CIITA: variants seen among roughly 807,000 people sequenced by gnomAD.
CIITA encodes the protein class II major histocompatibility complex transactivator, also known as MHC class II transactivator.
In CIITA, 72 loss-of-function variants were observed where a neutral mutation model predicts 115.1. That is an observed-to-expected ratio of 0.63 (90% CI 0.52 to 0.76). The LOEUF (loss-of-function observed/expected upper bound fraction) is 0.76, where lower values mean the gene tolerates loss of function less well. Among genes scored for constraint, CIITA ranks in the 30% least tolerant of loss-of-function variants. The pLI is 0.00. For missense variants in CIITA, 1,617 were observed against 1,463.8 expected (o/e 1.10, Z -1.71); for synonymous variants, 763 against 635.6 (o/e 1.20, Z -3.02).
chr16:10,907,069 G>T lies in CIITA; in HGVS notation c.1577G>T (p.Arg526Leu). 1 of 1,607,174 alleles carries T rather than the reference G, an allele frequency of 6.2e-7. No individual in the cohort carries two copies. The highest frequency in any genetic ancestry group is 8.5e-7 in the Non-Finnish European group (1 of 1,179,870). The change falls in exon 11 of 20, where the codon CGG becomes CTG. Residue 526 changes from arginine to leucine, a missense_variant. Physicochemically the swap from Arg to Leu is moderately radical, Grantham distance 102. Transcript: ENST00000324288. The surrounding 1 kb of genome is among the most constrained non-coding windows in gnomAD (Gnocchi z 5.0). ...GCACCGGCGGAGCCCTGCTCCCTCC[G>T]GGGGCTGCTGGCCGGCCTTTTCCAG... ...GPAPAEPCSL[R>L]GLLAGLFQKK...
chr16:10,872,184 G>T (rs143152117), intron 1 of CIITA, among the ~76,000 whole-genome samples: 34 of 151,838 alleles, frequency 2.2e-4, no homozygotes, highest in African/African-American at 8.2e-4. Context: ...ATGCAGTGGC[G>T]TGATCTCAGC....
intron 5 of CIITA, among the ~76,000 whole-genome samples, chr16:10,900,309 C>T (rs189198832): frequency 6.6e-6 from 1 of 152,342 alleles, no homozygotes; most frequent in East Asian, 1.9e-4. Context: ...TCATTACTCC[C>T]TGTCTGGGAG....
chr16:10,899,374 T>A (rs567491754), intron 5 of CIITA, among the ~76,000 whole-genome samples: 1 of 150,346 alleles, frequency 6.7e-6, no homozygotes, highest in South Asian at 2.1e-4. Flanking sequence ...GTTCTTCCCA[T>A]GGCTGACTCC....
In CIITA at chr16:10,927,801, A is replaced by C. The variant is rs141472280; in HGVS notation, c.*3946A>C. ...CTTATAGTCACACTCCTATAAAGGA[A>C]TGGACTTCTGACTTCTTTGGAGGAC... is the stretch of plus-strand genomic sequence containing the variant. On this transcript the variant is annotated 3_prime_UTR_variant, in exon 20 of 20. Transcript: ENST00000324288. The C allele has an allele frequency of 2.0e-5, 3 of 152,360 alleles. No individual in the cohort carries two copies. In the East Asian group the frequency reaches 5.8e-4, roughly 29 times the overall value. The allele number at this position is 152,360 out of a possible 1,614,324, so 9.4% of individuals were successfully genotyped here.
chr16:10,901,725 G>A lies in CIITA; in HGVS notation c.481+167G>A, dbSNP rs199476063. The A allele has an allele frequency of 9.6e-6, 7 of 729,396 alleles. No homozygotes were observed. In the East Asian group the frequency reaches 1.6e-4, roughly 17 times the overall value. 45.2% of individuals were successfully genotyped at this position (729,396 alleles called of 1,614,324 possible). A position where few individuals can be genotyped will look rare whatever the true frequency, so the allele number is the denominator to read the frequency against. On this transcript the variant is annotated intron_variant, in intron 6 of 19. Transcript: ENST00000324288. This position sits in a 1 kb window ranked among gnomAD's most constrained non-coding sequence, Gnocchi z 6.8. ...GGGGTCCCTTAGAGTCCTCTAAGGG[G>A]CTCACGACTGTTTGTGGAAGGTGGT... is the stretch of plus-strand genomic sequence containing the variant.
At chr16:10,910,574 G>A (rs2039491357) in intron 13 of CIITA, among the ~76,000 whole-genome samples, 1 of 152,212 alleles carries the variant, frequency 6.6e-6, no homozygotes, top group Admixed American at 6.5e-5. Context: ...CTCCCCTCTG[G>A]AGGAGGTCAG....
In CIITA at chr16:10,895,370, C is replaced by G. The variant is rs770687816; in HGVS notation, c.141C>G (p.Leu47=). 1.7e-5 allele frequency: 28 copies of G among 1,614,048 alleles called. No homozygotes were observed. In the East Asian group the frequency reaches 5.6e-4, roughly 32 times the overall value. The part of the protein sequence containing the change: ...LLNSDADPLC[L]YHFYDQMDLA... ...ACAGCGATGCTGACCCCCTGTGCCT[C>G]TACCACTTCTATGACCAGATGGACC... is the stretch of plus-strand genomic sequence containing the variant. The change falls in exon 2 of 20, where the codon CTC becomes CTG. Residue 47 remains leucine, a synonymous_variant. Coordinates refer to ENST00000324288, the MANE Select transcript of CIITA (RefSeq NM_000246.4).
intron 1 of CIITA, 142 bp downstream of exon 1, chr16:10,877,524 T>C: frequency 1.1e-6 from 1 of 904,454 alleles, no homozygotes; most frequent in Non-Finnish European, 1.8e-6. Flanking sequence ...GGCAGGCCAT[T>C]GGAAGATGTG....
chr16:10,869,316 G>T (rs555177850), intron 1 of CIITA, among the ~76,000 whole-genome samples: 1 of 152,228 alleles, frequency 6.6e-6, no homozygotes, highest in Non-Finnish European at 1.5e-5. Context: ...CCTTAGACAC[G>T]CTCAGCACAC....
At chr16:10,894,340 T>C (rs929835377) in intron 1 of CIITA, among the ~76,000 whole-genome samples, 14 of 152,230 alleles carry the variant, frequency 9.2e-5, no homozygotes, top group Non-Finnish European at 2.1e-4. Context: ...ATAAGCAACA[T>C]TTTGTTTATC....
chr16:10,907,716 A>G lies in CIITA; in HGVS notation c.2224A>G (p.Arg742Gly), dbSNP rs2039272604. 4 of 1,614,230 alleles carry G rather than the reference A, an allele frequency of 2.5e-6. No homozygotes were observed. Among genetic ancestry groups the G allele is most frequent in the Non-Finnish European group, 3.4e-6 (4 of 1,180,044 alleles). Residue 742 changes from arginine (R) to glycine (G), a missense_variant, in exon 11 of 20, where the codon AGG (arginine) becomes GGG (glycine). By Grantham distance (125) the Arg-to-Gly change is moderately radical. Coordinates refer to ENST00000324288, the MANE Select transcript of CIITA (RefSeq NM_000246.4). This position sits in a 1 kb window ranked among gnomAD's most constrained non-coding sequence, Gnocchi z 5.0. ...ELPQYLALTP[R>G]KKRPYDNWLE... ...CCCGCAGTACCTAGCATTGACCCCA[A>G]GGAAGAAGAGGCCCTATGACAACTG...
At position 10,901,631 on chromosome 16, in the gene CIITA, T is replaced by C; in HGVS notation, c.481+73T>C. 3 of 1,490,494 alleles carry C rather than the reference T, an allele frequency of 2.0e-6. No homozygotes were observed. The South Asian group carries it at 3.5e-5, about 17-fold the overall frequency. The allele number at this position is 1,490,494 out of a possible 1,614,324, so 92.3% of individuals were successfully genotyped here. Reference sequence around the variant, plus strand: ...GAGGGGATGGAAGAGATTGAACTCCTGGCCCAAGTCTGATGGGGATGGTGC... The same window carrying C: ...GAGGGGATGGAAGAGATTGAACTCCCGGCCCAAGTCTGATGGGGATGGTGC... On this transcript the variant is annotated intron_variant, in intron 6 of 19. Transcript: ENST00000324288. The surrounding 1 kb of genome is among the most constrained non-coding windows in gnomAD (Gnocchi z 6.8).
intron 13 of CIITA, among the ~76,000 whole-genome samples, chr16:10,911,225 TTTCTTTCTTTC>T (rs1240784380): frequency 1.3e-5 from 2 of 151,610 alleles, no homozygotes; most frequent in East Asian, 1.9e-4. Flanking sequence ...TCTCTTTCTT[TTTCTTTCTTTC>T]TTCTTTCTTT....
intron 1 of CIITA, among the ~76,000 whole-genome samples, chr16:10,883,939 T>C (rs960940669): frequency 1.3e-5 from 2 of 152,194 alleles, no homozygotes; most frequent in Non-Finnish European, 2.9e-5. Flanking sequence ...GCCTCCCCCA[T>C]GATGAACACT....
chr16:10,895,416 G>C lies in CIITA; in HGVS notation c.187G>C (p.Glu63Gln). The change falls in exon 2 of 20, where the codon GAG (glutamate) becomes CAG (glutamine). Residue 63 changes from glutamate (E) to glutamine (Q), a missense_variant. Transcript: ENST00000324288. ...GGACCTGGCTGGAGAAGAAGAGATT[G>C]AGCTCTACTCAGGTGGGCCCTCCTC... ...QMDLAGEEEI[E>Q]LYSEPDTDTI... is the part of the protein sequence containing the mutation. 1 of 1,613,786 alleles carries C rather than the reference G, an allele frequency of 6.2e-7. No homozygotes were observed. The highest frequency in any genetic ancestry group is 8.5e-7 in the Non-Finnish European group (1 of 1,180,022).
Position 10,925,116 on chromosome 16 carries a change from G to C in CIITA, c.*1261G>C, listed in dbSNP as rs2040477697. On this transcript the variant is annotated 3_prime_UTR_variant, in exon 20 of 20. Coordinates refer to ENST00000324288, the MANE Select transcript of CIITA (RefSeq NM_000246.4). ...GACTCATTCTTCTGTACGTCTGACA[G>C]GCAATGCTGGCTGTTGGCTGGGGGC... 1 of 152,322 alleles carries C rather than the reference G, an allele frequency of 6.6e-6. No homozygotes were observed. Among genetic ancestry groups the C allele is most frequent in the Non-Finnish European group, 1.5e-5 (1 of 68,110 alleles). The allele number at this position is 152,322 out of a possible 1,614,324, so 9.4% of individuals were successfully genotyped here. A position where few individuals can be genotyped will look rare whatever the true frequency, so the allele number is the denominator to read the frequency against.
Position 10,877,214 on chromosome 16 carries a change from A to T in CIITA, c.-117A>T. ...CTGGTGACTGGTTAGTGATGAGGCT[A>T]GTGATGAGGCTGTGTGCTTCTGAGC... On this transcript the variant is annotated 5_prime_UTR_variant, in exon 1 of 20. Coordinates refer to ENST00000324288, the MANE Select transcript of CIITA (RefSeq NM_000246.4). The T allele has an allele frequency of 1.2e-6, 1 of 831,548 alleles. No homozygotes were observed. The highest frequency in any genetic ancestry group is 2.0e-6 in the Non-Finnish European group (1 of 491,094). 51.5% of individuals were successfully genotyped at this position (831,548 alleles called of 1,614,324 possible).
rs1199082812 is a variant in CIITA at position 10,930,802 on chromosome 16, C to A, written c.*6947C>A. 1 of 152,274 alleles carries A rather than the reference C, an allele frequency of 6.6e-6. No homozygotes were observed. Among genetic ancestry groups the A allele is most frequent in the Non-Finnish European group, 1.5e-5 (1 of 68,084 alleles). The allele number at this position is 152,274 out of a possible 1,614,324, so 9.4% of individuals were successfully genotyped here. A position where few individuals can be genotyped will look rare whatever the true frequency, so the allele number is the denominator to read the frequency against. ...GTCGACCTGCCCTTCTTTGCTGAGG[C>A]CTTTCTCTGCCTCCAGAGCCTGCTT... is the stretch of plus-strand genomic sequence containing the variant. On this transcript the variant is annotated 3_prime_UTR_variant, in exon 20 of 20. Coordinates refer to ENST00000324288, the MANE Select transcript of CIITA (RefSeq NM_000246.4).
At chr16:10,882,997 T>C (rs1239641309) in intron 1 of CIITA, among the ~76,000 whole-genome samples, 2 of 152,196 alleles carry the variant, frequency 1.3e-5, no homozygotes, top group African/African-American at 2.4e-5. Context: ...TTTAACACCC[T>C]TCCCAGGTAA....
Sources: allele counts gnomAD v4.1 joint callset (sites outside exome capture counted in the v4.1 genomes callset), GRCh38; gene constraint gnomAD v4.1.1; non-coding constraint Gnocchi (gnomAD v3.1); transcripts MANE v1.5; gene names NCBI Gene and HGNC (gene_info 2026-07-23, HGNC 2026-07-21).